PTPRN2: variants seen among roughly 807,000 people sequenced by gnomAD.
PTPRN2 encodes the protein receptor-type tyrosine-protein phosphatase N2.
In PTPRN2, 74 loss-of-function variants were observed where a neutral mutation model predicts 118.8. The ratio of observed to expected loss-of-function variants is 0.62; its 90% CI spans 0.52 to 0.76. The LOEUF is 0.76. Among genes scored for constraint, PTPRN2 ranks in the 30% least tolerant of loss-of-function variants. PTPRN2 has a pLI of 0.00. For missense variants in PTPRN2, 1,481 were observed against 1,394.4 expected, an observed-to-expected ratio of 1.06 and a Z score of -0.99; for synonymous variants, 641 against 608.0, an observed-to-expected ratio of 1.05 and a Z score of -0.80.
intron 12 of PTPRN2, among the ~76,000 whole-genome samples, chr7:157,825,205 G>T (rs767760336): frequency 9.9e-5 from 15 of 152,192 alleles, no homozygotes; most frequent in Non-Finnish European, 2.1e-4. Flanking sequence ...AGAGTTGTGT[G>T]CTGCTTTCAG....
intron 2 of PTPRN2, among the ~76,000 whole-genome samples, chr7:158,424,001 G>A (rs1815482215): frequency 1.3e-5 from 2 of 152,280 alleles, no homozygotes; most frequent in East Asian, 1.9e-4. Flanking sequence ...TTTTAGACGA[G>A]AAAGATTAAT....
chr7:158,583,869 C>G (rs1302741316), intron 1 of PTPRN2, among the ~76,000 whole-genome samples: 1 of 152,152 alleles, frequency 6.6e-6, no homozygotes, highest in Non-Finnish European at 1.5e-5. Context: ...TACCATCCAA[C>G]CAAACGGAAT....
intron 11 of PTPRN2, among the ~76,000 whole-genome samples, chr7:157,916,871 T>C (rs3926424): frequency 0.82 from 64,987 of 79,228 alleles, 26,629 homozygotes; most frequent in African/African-American, 0.88. Context: ...AACACACATC[T>C]CCCTCCCCAG....
chr7:158,055,804 C>A (rs1306744097), intron 11 of PTPRN2, among the ~76,000 whole-genome samples: 1 of 152,162 alleles, frequency 6.6e-6, no homozygotes, highest in African/African-American at 2.4e-5. Context: ...ATCAGCGCAG[C>A]CTGGCATTCC....
intron 11 of PTPRN2, among the ~76,000 whole-genome samples, chr7:158,067,364 G>A (rs998861854): frequency 6.6e-6 from 1 of 152,188 alleles, no homozygotes; most frequent in African/African-American, 2.4e-5. Context: ...GCTGGCAGGG[G>A]GCAGGGGTTT....
At chr7:158,144,913 CAGCA>C (rs1563504112) in intron 6 of PTPRN2, among the ~76,000 whole-genome samples, 1 of 152,222 alleles carries the variant, frequency 6.6e-6, no homozygotes, top group Non-Finnish European at 1.5e-5. Flanking sequence ...AGGAACTGAA[CAGCA>C]AGCCACGTCT....
intron 11 of PTPRN2, among the ~76,000 whole-genome samples, chr7:158,012,970 G>A (rs1471779428): frequency 6.6e-6 from 1 of 152,192 alleles, no homozygotes; most frequent in African/African-American, 2.4e-5. Flanking sequence ...CATGGAGAGT[G>A]GAGGTGGTCA....
chr7:158,417,373 C>T (rs116175701), intron 2 of PTPRN2, among the ~76,000 whole-genome samples: 3,570 of 150,236 alleles, frequency 0.024, 157 homozygotes, highest in African/African-American at 0.082. Context: ...TGGTGTACTA[C>T]ATCGAGATGC....
At chr7:158,150,081 G>C (rs1239451397) in intron 6 of PTPRN2, among the ~76,000 whole-genome samples, 1 of 152,198 alleles carries the variant, frequency 6.6e-6, no homozygotes, top group Non-Finnish European at 1.5e-5. Flanking sequence ...TGAGGGAAGA[G>C]GCCGTGGGGC....
chr7:158,246,352 G>C (rs1471696839), intron 3 of PTPRN2, among the ~76,000 whole-genome samples: 2 of 151,616 alleles, frequency 1.3e-5, no homozygotes, highest in African/African-American at 4.9e-5. Flanking sequence ...GTGAGAGATG[G>C]AGAGAGAAAC....
intron 2 of PTPRN2, among the ~76,000 whole-genome samples, chr7:158,332,044 C>G (rs574976532): frequency 6.6e-6 from 1 of 150,802 alleles, no homozygotes; most frequent in Non-Finnish European, 1.5e-5. Flanking sequence ...CACACTCTAA[C>G]GATAAGAGGT....
intron 1 of PTPRN2, among the ~76,000 whole-genome samples, chr7:158,567,883 G>A (rs575143361): frequency 1.3e-5 from 2 of 152,344 alleles, no homozygotes; most frequent in Admixed American, 6.5e-5. Flanking sequence ...CCAACTCCAA[G>A]TCTGGCCTGG....
intron 11 of PTPRN2, among the ~76,000 whole-genome samples, chr7:157,941,209 C>T (rs1460299849): frequency 1.3e-5 from 1 of 77,734 alleles, no homozygotes; most frequent in Non-Finnish European, 2.2e-5. Context: ...ACACTCTCCC[C>T]CATGACACTG....
intron 3 of PTPRN2, among the ~76,000 whole-genome samples, chr7:158,271,688 G>A (rs969323710): frequency 2.0e-5 from 3 of 152,156 alleles, no homozygotes; most frequent in African/African-American, 7.2e-5. Context: ...AAACAACAGA[G>A]GTTTCTTTCT....
intron 10 of PTPRN2, among the ~76,000 whole-genome samples, chr7:158,089,232 G>T (rs529575641): frequency 1.3e-3 from 32 of 24,064 alleles, no homozygotes; most frequent in African/African-American, 1.9e-3. Flanking sequence ...CTTCCCCTGA[G>T]GAAAGAGGGA....
intron 2 of PTPRN2, among the ~76,000 whole-genome samples, chr7:158,425,140 T>C (rs1462025776): frequency 1.3e-5 from 2 of 152,260 alleles, no homozygotes; most frequent in Non-Finnish European, 2.9e-5. Flanking sequence ...AAAGTCCTGC[T>C]GATGCACTGC....
chr7:158,056,493 T>C (rs551916549), intron 11 of PTPRN2, among the ~76,000 whole-genome samples: 24 of 152,294 alleles, frequency 1.6e-4, no homozygotes, highest in African/African-American at 4.8e-4. Flanking sequence ...CAGAACAAAA[T>C]ACTTCCACAT....
chr7:158,479,197 T>C (rs1052812363), intron 2 of PTPRN2, among the ~76,000 whole-genome samples: 4 of 151,986 alleles, frequency 2.6e-5, no homozygotes, highest in African/African-American at 9.7e-5. Context: ...CCTAAGGCTG[T>C]GAATGGGGCT....
chr7:158,506,811 C>T (rs1268029546), intron 1 of PTPRN2, among the ~76,000 whole-genome samples: 1 of 152,144 alleles, frequency 6.6e-6, no homozygotes, highest in Non-Finnish European at 1.5e-5. Context: ...TCCCCCGCCC[C>T]TCCGCCATCG....
Sources: gnomAD v4.1 joint callset for allele counts (sites outside exome capture counted in the v4.1 genomes callset) on GRCh38, gnomAD v4.1.1 for gene constraint, MANE v1.5 for transcripts, NCBI Gene and HGNC (gene_info 2026-07-23, HGNC 2026-07-21) for gene names.